ANKRD30BL: variants seen among roughly 807,000 people sequenced by gnomAD.
ANKRD30BL encodes putative ankyrin repeat domain-containing protein 30B-like.
Under a neutral mutation model 18.4 loss-of-function variants are expected in ANKRD30BL, and 20 were observed. That is an observed-to-expected ratio of 1.09 (90% confidence interval 0.77 to 1.58). The LOEUF is 1.58. ANKRD30BL is among the 40% of genes most tolerant of loss of function. The pLI is 0.00. For missense variants in ANKRD30BL, 224 were observed against 268.6 expected (o/e 0.83, Z 1.16); for synonymous variants, 72 against 100.9 (o/e 0.71, Z 1.72).
intron 1 of ANKRD30BL, among the ~76,000 whole-genome samples, chr2:132,176,402 C>G (rs919729592): frequency 5.7e-4 from 86 of 152,048 alleles, no homozygotes; most frequent in Non-Finnish European, 9.3e-4. Flanking sequence ...GTGGCACATG[C>G]CTGTAATCTC....
upstream of ANKRD30BL, among the ~76,000 whole-genome samples, chr2:132,162,587 G>GA (rs1185648624): frequency 1.3e-5 from 2 of 152,202 alleles, no homozygotes; most frequent in Non-Finnish European, 2.9e-5. Flanking sequence ...GGCGGTGTCC[G>GA]ACCCTGGGGT....
intron 1 of ANKRD30BL, among the ~76,000 whole-genome samples, chr2:132,200,707 T>C (rs1477422981): frequency 6.6e-6 from 1 of 152,064 alleles, no homozygotes. Flanking sequence ...ATCGTGAAAA[T>C]GGCCATACTG....
chr2:132,245,734 C>A (rs1262645715), intron 1 of ANKRD30BL, among the ~76,000 whole-genome samples: 1 of 840 alleles, frequency 1.2e-3, no homozygotes, highest in African/African-American at 5.7e-3. Flanking sequence ...TTTGTAGAAT[C>A]TGCAAGTGGA....
At chr2:132,181,716 A>C (rs1217626844) in intron 1 of ANKRD30BL, among the ~76,000 whole-genome samples, 1 of 152,232 alleles carries the variant, frequency 6.6e-6, no homozygotes, top group African/African-American at 2.4e-5. Flanking sequence ...TATATTCAGT[A>C]TATTCAAGGT....
At chr2:132,211,933 T>A (rs569034193) in intron 1 of ANKRD30BL, among the ~76,000 whole-genome samples, 1 of 152,148 alleles carries the variant, frequency 6.6e-6, no homozygotes, top group East Asian at 1.9e-4. Context: ...GACAGAATCA[T>A]TCCGACAAAC....
chr2:132,208,789 A>G (rs963769116), intron 1 of ANKRD30BL, among the ~76,000 whole-genome samples: 37 of 151,812 alleles, frequency 2.4e-4, no homozygotes, highest in African/African-American at 8.7e-4. Context: ...TCCCTCACAC[A>G]GGATTACAGA....
intron 1 of ANKRD30BL, among the ~76,000 whole-genome samples, chr2:132,178,084 A>C (rs1209230288): frequency 2.0e-5 from 3 of 152,218 alleles, no homozygotes; most frequent in Non-Finnish European, 2.9e-5. Flanking sequence ...AATACTGGAA[A>C]AGAACAGTTA....
At chr2:132,220,382 G>A (rs976746215) in intron 1 of ANKRD30BL, among the ~76,000 whole-genome samples, 18 of 122,792 alleles carry the variant, frequency 1.5e-4, no homozygotes, top group East Asian at 2.8e-4. Flanking sequence ...CTCTCCCCAC[G>A]GTCTCCTTCC....
At chr2:132,225,196 C>T (rs556427944) in intron 1 of ANKRD30BL, among the ~76,000 whole-genome samples, 3 of 151,932 alleles carry the variant, frequency 2.0e-5, no homozygotes, top group East Asian at 3.9e-4. Flanking sequence ...CTTCTTTGTT[C>T]TGTGTGCATT....
At chr2:132,201,595 C>A (rs924272614) in intron 1 of ANKRD30BL, among the ~76,000 whole-genome samples, 1 of 152,130 alleles carries the variant, frequency 6.6e-6, no homozygotes, top group Non-Finnish European at 1.5e-5. Context: ...CAATGAGATA[C>A]CTTCTCACAC....
At chr2:132,196,138 T>C (rs536679352) in intron 1 of ANKRD30BL, among the ~76,000 whole-genome samples, 254 of 127,762 alleles carry the variant, frequency 2.0e-3, no homozygotes, top group African/African-American at 7.7e-3. Flanking sequence ...CTAGAGTCCA[T>C]CTCAAAAAAA....
At chr2:132,196,372 T>C (rs1399554585) in intron 1 of ANKRD30BL, among the ~76,000 whole-genome samples, 1 of 151,252 alleles carries the variant, frequency 6.6e-6, no homozygotes, top group Non-Finnish European at 1.5e-5. Context: ...AGAGAATTGA[T>C]AGAACCCTGG....
intron 1 of ANKRD30BL, among the ~76,000 whole-genome samples, chr2:132,236,178 A>C (rs1161280393): frequency 6.6e-6 from 1 of 152,160 alleles, no homozygotes; most frequent in Non-Finnish European, 1.5e-5. Flanking sequence ...CACCTTACAC[A>C]AAAATCAATT....
At chr2:132,187,180 T>TG (rs1322638201) in intron 1 of ANKRD30BL, among the ~76,000 whole-genome samples, 47 of 140,878 alleles carry the variant, frequency 3.3e-4, no homozygotes, top group African/African-American at 1.3e-3. Flanking sequence ...TTGTTTTTTT[T>TG]TTTGTTTGTT....
chr2:132,203,214 C>A (rs1024935311), intron 1 of ANKRD30BL, among the ~76,000 whole-genome samples: 17 of 152,296 alleles, frequency 1.1e-4, no homozygotes, highest in African/African-American at 2.6e-4. Context: ...CACAAACACA[C>A]AAGTTCAAGG....
At chr2:132,223,106 T>C (rs953418671) in intron 1 of ANKRD30BL, among the ~76,000 whole-genome samples, 2 of 152,118 alleles carry the variant, frequency 1.3e-5, no homozygotes, top group African/African-American at 4.8e-5. Flanking sequence ...GAAACGGGAA[T>C]ATATTTACAT....
At chr2:132,185,323 G>C (rs1688544003) in intron 1 of ANKRD30BL, among the ~76,000 whole-genome samples, 1 of 152,284 alleles carries the variant, frequency 6.6e-6, no homozygotes, top group East Asian at 1.9e-4. Flanking sequence ...GAGAGAAGAA[G>C]GCAGTCCCTA....
intron 1 of ANKRD30BL, among the ~76,000 whole-genome samples, chr2:132,232,348 G>C (rs750218794): frequency 6.6e-6 from 1 of 152,188 alleles, no homozygotes; most frequent in Non-Finnish European, 1.5e-5. Flanking sequence ...TGACTTTGAC[G>C]AGCTGAGAGA....
chr2:132,230,613 G>A (rs888227667), intron 1 of ANKRD30BL, among the ~76,000 whole-genome samples: 46 of 151,980 alleles, frequency 3.0e-4, no homozygotes, highest in Non-Finnish European at 2.2e-4. Context: ...TATTTGGACC[G>A]CATTGAGGCC....
Sources: gnomAD v4.1 joint callset for allele counts (sites outside exome capture counted in the v4.1 genomes callset) on GRCh38, gnomAD v4.1.1 for gene constraint, MANE v1.5 for transcripts, NCBI Gene and HGNC (gene_info 2026-07-23, HGNC 2026-07-21) for gene names.